VAT1L: variants seen among roughly 807,000 people sequenced by gnomAD.
VAT1L encodes vesicle amine transport 1 like, also known as putative NADPH-dependent quinone oxidoreductase VAT1L.
In VAT1L, 34 loss-of-function variants were observed where a neutral mutation model predicts 44.1. That is an observed-to-expected ratio of 0.77 (90% CI 0.59 to 1.03). VAT1L has a LOEUF of 1.03. Ranked by LOEUF, VAT1L falls within the 50% of genes least tolerant of loss-of-function variation. The pLI is 0.00. For missense variants in VAT1L, 615 were observed against 538.8 expected, an observed-to-expected ratio of 1.14 and a Z score of -1.40; for synonymous variants, 253 against 202.2, an observed-to-expected ratio of 1.25 and a Z score of -2.13.
intron 4 of VAT1L, among the ~76,000 whole-genome samples, chr16:77,865,128 C>A (rs1462083465): frequency 6.6e-6 from 1 of 152,026 alleles, no homozygotes. Flanking sequence ...CACCCACCAC[C>A]ACACCTGGCT....
intron 7 of VAT1L, among the ~76,000 whole-genome samples, chr16:77,967,659 G>A (rs1192799443): frequency 3.3e-5 from 5 of 152,172 alleles, no homozygotes; most frequent in Non-Finnish European, 5.9e-5. Flanking sequence ...AGGCAGCCCT[G>A]CAGGGAGCTT....
At chr16:77,883,624 G>C (rs2017178307) in intron 6 of VAT1L, among the ~76,000 whole-genome samples, 1 of 152,156 alleles carries the variant, frequency 6.6e-6, no homozygotes, top group Non-Finnish European at 1.5e-5. Context: ...TCCCGCTTCA[G>C]TCATCACAAA....
chr16:77,865,694 C>A (rs114309140), intron 4 of VAT1L, among the ~76,000 whole-genome samples: 2,780 of 152,182 alleles, frequency 0.018, 78 homozygotes, highest in African/African-American at 0.064. Flanking sequence ...GAGAAGTTGG[C>A]CAAAGGAAGA....
At position 77,979,399 on chromosome 16, in the gene VAT1L, G is replaced by T. The variant is rs984474952; in HGVS notation, c.*1704G>T. 2.0e-5 allele frequency: 3 copies of T among 152,300 alleles called. No individual in the cohort carries two copies. Among genetic ancestry groups the T allele is most frequent in the Admixed American group, 6.5e-5 (1 of 15,302 alleles). 9.4% of individuals were successfully genotyped at this position (152,300 alleles called of 1,614,324 possible). A position where few individuals can be genotyped will look rare whatever the true frequency, so the allele number is the denominator to read the frequency against. The stretch of plus-strand genomic sequence containing the variant: ...ATTCCAGTTCTGGGTCATTTAGAGA[G>T]ATAATGGGGCGTTTATTCCCCTATT... On this transcript the variant is annotated 3_prime_UTR_variant, in exon 9 of 9. Transcript: ENST00000302536.
rs1292932161 is a variant in VAT1L at position 77,840,890 on chromosome 16, C to T, written c.579+15429C>T. Among the ~76,000 whole-genome samples the T allele has an allele frequency of 2.6e-5, 4 of 152,176 alleles. No individual in the cohort carries two copies. In the East Asian group the frequency reaches 5.8e-4, roughly 22 times the overall value. Reference sequence around the variant, plus strand: ...TATTTTTAACTGTGGTATTGGAAATCATCTTATTACACAATCCAGCATGGA... The same window carrying T: ...TATTTTTAACTGTGGTATTGGAAATTATCTTATTACACAATCCAGCATGGA... On this transcript the variant is annotated intron_variant, in intron 3 of 8. Transcript: ENST00000302536.
chr16:77,927,555 C>T (rs143009319), intron 7 of VAT1L, among the ~76,000 whole-genome samples: 2,312 of 152,004 alleles, frequency 0.015, 55 homozygotes, highest in African/African-American at 0.053. Context: ...TGCATCAGGC[C>T]GCCTGTCCTG....
intron 7 of VAT1L, among the ~76,000 whole-genome samples, chr16:77,895,162 T>C (rs1033380043): frequency 7.6e-6 from 1 of 131,874 alleles, no homozygotes; most frequent in Non-Finnish European, 1.6e-5. Flanking sequence ...GCTGGCCTCA[T>C]GTGTTTTCTG....
At chr16:77,925,231 G>C (rs1597101595) in intron 7 of VAT1L, among the ~76,000 whole-genome samples, 1 of 152,272 alleles carries the variant, frequency 6.6e-6, no homozygotes, top group African/African-American at 2.4e-5. Flanking sequence ...AGCCTGGAGA[G>C]TGAGGGCCTC....
chr16:77,933,451 G>A lies in VAT1L; in HGVS notation c.1078-38399G>A, dbSNP rs979966751. Among the ~76,000 whole-genome samples the A allele has an allele frequency of 2.6e-5, 4 of 152,206 alleles. No homozygotes were observed. The South Asian group carries it at 8.3e-4, about 32-fold the overall frequency. On this transcript the variant is annotated intron_variant, in intron 7 of 8. Coordinates refer to ENST00000302536, the MANE Select transcript of VAT1L (RefSeq NM_020927.3). ...TGAACCATTTACTAGTCAGTATGTA[G>A]AGAATTTGGCAGACACTGCTCTCCT...
chr16:77,977,094 G>C (rs973865229), intron 8 of VAT1L, among the ~76,000 whole-genome samples: 5 of 152,176 alleles, frequency 3.3e-5, no homozygotes. Context: ...CTCTCTGCCT[G>C]AGAGCTAACT....
intron 6 of VAT1L, among the ~76,000 whole-genome samples, chr16:77,883,643 A>C (rs2017178493): frequency 6.6e-6 from 1 of 152,122 alleles, no homozygotes; most frequent in African/African-American, 2.4e-5. Flanking sequence ...AACAAACAAA[A>C]ATCCCCAAAC....
chr16:77,919,752 C>T (rs965147972), intron 7 of VAT1L, among the ~76,000 whole-genome samples: 1 of 152,148 alleles, frequency 6.6e-6, no homozygotes, highest in Non-Finnish European at 1.5e-5. Context: ...CAAGAGATAC[C>T]TATTACTATT....
chr16:77,850,114 C>G (rs560606357), intron 3 of VAT1L, among the ~76,000 whole-genome samples: 1 of 152,166 alleles, frequency 6.6e-6, no homozygotes, highest in Non-Finnish European at 1.5e-5. Context: ...CCCAAGTAAA[C>G]GCCTTTGCTT....
intron 7 of VAT1L, among the ~76,000 whole-genome samples, chr16:77,945,915 C>T (rs2017956304): frequency 6.6e-6 from 1 of 151,886 alleles, no homozygotes; most frequent in Admixed American, 6.6e-5. Flanking sequence ...GATTCTCCTG[C>T]CTCAGCCTCT....
chr16:77,909,101 T>A (rs1003592858), intron 7 of VAT1L, among the ~76,000 whole-genome samples: 1 of 152,184 alleles, frequency 6.6e-6, no homozygotes, highest in African/African-American at 2.4e-5. Flanking sequence ...AGGGCTGTAT[T>A]TCATTTAATC....
intron 7 of VAT1L, among the ~76,000 whole-genome samples, chr16:77,906,265 G>C (rs558433680): frequency 2.6e-5 from 4 of 152,308 alleles, no homozygotes; most frequent in Admixed American, 1.3e-4. Flanking sequence ...GATAATTACA[G>C]TGCAATGTGG....
rs372376170 is a variant in VAT1L at position 77,947,569 on chromosome 16, G to C, written c.1078-24281G>C. On this transcript the variant is annotated intron_variant, in intron 7 of 8. Transcript: ENST00000302536. ...ACACTTCTAGCTGTGTCCAAGTGAA[G>C]ACCATGCCCAGCTCCCTCCTGCTCA... is the stretch of plus-strand genomic sequence containing the variant. Among the ~76,000 whole-genome samples, 111 of 152,298 alleles carry C rather than the reference G, an allele frequency of 7.3e-4. 1 individual carries two copies. The South Asian group carries it at 0.023, about 31-fold the overall frequency.
chr16:77,888,895 C>CTGTA (rs1246252700), intron 7 of VAT1L, among the ~76,000 whole-genome samples: 1 of 152,228 alleles, frequency 6.6e-6, no homozygotes, highest in Non-Finnish European at 1.5e-5. Context: ...AGAGAGACAG[C>CTGTA]TGTAGCCTGT....
At chr16:77,954,596 G>A (rs866382860) in intron 7 of VAT1L, among the ~76,000 whole-genome samples, 1 of 152,172 alleles carries the variant, frequency 6.6e-6, no homozygotes, top group East Asian at 1.9e-4. Flanking sequence ...CTGTAGTCCA[G>A]CCTGGGCGAC....
Sources: allele counts gnomAD v4.1 joint callset (sites outside exome capture counted in the v4.1 genomes callset), GRCh38; gene constraint gnomAD v4.1.1; transcripts MANE v1.5; gene names NCBI Gene and HGNC (gene_info 2026-07-23, HGNC 2026-07-21).